RBMS3: variants seen among roughly 807,000 people sequenced by gnomAD.
RBMS3 encodes the protein RNA binding motif single stranded interacting protein 3, also known as RNA-binding motif, single-stranded-interacting protein 3.
In RBMS3, 27 loss-of-function variants were observed where a neutral mutation model predicts 66.8. The ratio of observed to expected loss-of-function variants is 0.40; its 90% CI spans 0.30 to 0.56. RBMS3 has a LOEUF of 0.56. Among genes scored for constraint, RBMS3 ranks in the 20% least tolerant of loss-of-function variants. The pLI is 0.40. For missense variants in RBMS3, 513 were observed against 549.5 expected, an observed-to-expected ratio of 0.93 and a Z score of 0.66; for synonymous variants, 188 against 183.0, an observed-to-expected ratio of 1.03 and a Z score of -0.22.
intron 10 of RBMS3, among the ~76,000 whole-genome samples, chr3:29,917,751 C>T (rs78352012): frequency 0.015 from 2,325 of 152,092 alleles, 58 homozygotes; most frequent in African/African-American, 0.053. Flanking sequence ...TTATTAGCAT[C>T]TTGGGGTAAA....
intron 4 of RBMS3, among the ~76,000 whole-genome samples, chr3:29,682,299 C>A (rs2149261697): frequency 6.6e-6 from 1 of 152,274 alleles, no homozygotes; most frequent in East Asian, 1.9e-4. Context: ...GCACACGCCA[C>A]CATGTCCAGG....
At chr3:29,730,183 CA>C (rs2054070542) in intron 4 of RBMS3, among the ~76,000 whole-genome samples, 1 of 151,552 alleles carries the variant, frequency 6.6e-6, no homozygotes, top group African/African-American at 2.4e-5. Context: ...TGTTGTTTAT[CA>C]AAAATTTAAA....
chr3:29,718,796 C>A (rs1439431325), intron 4 of RBMS3, among the ~76,000 whole-genome samples: 2 of 152,162 alleles, frequency 1.3e-5, no homozygotes, highest in African/African-American at 4.8e-5. Flanking sequence ...TACCAGGAGC[C>A]TCTGCAATCC....
chr3:29,894,096 G>T (rs1209011120), intron 8 of RBMS3, among the ~76,000 whole-genome samples: 5 of 151,530 alleles, frequency 3.3e-5, no homozygotes, highest in African/African-American at 1.2e-4. Context: ...TGATTTGGTG[G>T]CTTAAACACA....
At chr3:29,674,862 C>G (rs1313211157) in intron 4 of RBMS3, among the ~76,000 whole-genome samples, 1 of 151,914 alleles carries the variant, frequency 6.6e-6, no homozygotes, top group African/African-American at 2.4e-5. Context: ...CCATCCCCAT[C>G]AAGCAACCAA....
chr3:29,522,526 G>T (rs1253085957), intron 3 of RBMS3, among the ~76,000 whole-genome samples: 2 of 152,092 alleles, frequency 1.3e-5, no homozygotes, highest in East Asian at 3.9e-4. Context: ...GTGGAAGGAA[G>T]TGGGGTTACA....
chr3:29,501,304 G>T (rs1011535510), intron 3 of RBMS3, among the ~76,000 whole-genome samples: 1 of 152,192 alleles, frequency 6.6e-6, no homozygotes, highest in Non-Finnish European at 1.5e-5. Flanking sequence ...ATGGTGTCCA[G>T]GTCAGTCTAT....
At chr3:29,412,329 A>T (rs1373146547) in intron 1 of RBMS3, among the ~76,000 whole-genome samples, 1 of 152,206 alleles carries the variant, frequency 6.6e-6, no homozygotes, top group African/African-American at 2.4e-5. Context: ...GTCTGTAAGC[A>T]GTATGCTTGC....
chr3:29,677,556 G>C (rs1008853026), intron 4 of RBMS3, among the ~76,000 whole-genome samples: 38 of 151,950 alleles, frequency 2.5e-4, no homozygotes, highest in Non-Finnish European at 2.9e-5. Context: ...CTTTATAGGT[G>C]ACTCATTTTC....
intron 4 of RBMS3, among the ~76,000 whole-genome samples, chr3:29,636,961 T>C (rs960959783): frequency 6.6e-6 from 1 of 151,872 alleles, no homozygotes; most frequent in Non-Finnish European, 1.5e-5. Flanking sequence ...TCAGGCAACA[T>C]ATCATGTATG....
chr3:29,644,466 T>C (rs898440432), intron 4 of RBMS3, among the ~76,000 whole-genome samples: 2 of 152,172 alleles, frequency 1.3e-5, no homozygotes, highest in Non-Finnish European at 2.9e-5. Context: ...TTGAGCCTCG[T>C]GTCTGAAGCC....
At chr3:29,845,614 T>C (rs1394649606) in intron 6 of RBMS3, among the ~76,000 whole-genome samples, 1 of 152,232 alleles carries the variant, frequency 6.6e-6, no homozygotes, top group Non-Finnish European at 1.5e-5. Flanking sequence ...GATAGGTATT[T>C]ATTAGGTGTC....
intron 4 of RBMS3, among the ~76,000 whole-genome samples, chr3:29,733,016 C>G (rs879921340): frequency 1.1e-4 from 16 of 152,016 alleles, no homozygotes; most frequent in Non-Finnish European, 1.9e-4. Flanking sequence ...TCCCTATCTA[C>G]CTTATGAGAT....
At position 29,488,600 on chromosome 3, in the gene RBMS3, A is replaced by G. The variant is rs2043412155; in HGVS notation, c.307+101A>G. ...AGGTACCAGCTGCACAATGATCACA[A>G]TGCATAGTATGGAAAACCTCTTTAA... On this transcript the variant is annotated intron_variant, in intron 3 of 14. Coordinates refer to ENST00000383767, the MANE Select transcript of RBMS3 (RefSeq NM_001003793.3). 5.0e-5 allele frequency: 49 copies of G among 984,382 alleles called. 2 individuals carry two copies. In the South Asian group the frequency reaches 8.4e-4, roughly 17 times the overall value. The allele number at this position is 984,382 out of a possible 1,614,324, so 61.0% of individuals were successfully genotyped here. A position where few individuals can be genotyped will look rare whatever the true frequency, so the allele number is the denominator to read the frequency against.
intron 1 of RBMS3, 149 bp downstream of exon 1, chr3:29,281,905 T>G (rs2031827448): frequency 4.6e-6 from 3 of 647,868 alleles, no homozygotes; most frequent in South Asian, 4.4e-5. Context: ...ATGGAGTTAA[T>G]GAGGCAGAGG....
chr3:29,655,272 G>T (rs1029666408), intron 4 of RBMS3, among the ~76,000 whole-genome samples: 1 of 152,144 alleles, frequency 6.6e-6, no homozygotes, highest in Non-Finnish European at 1.5e-5. Context: ...GGTCCATTTA[G>T]CTCCCCGTCT....
intron 12 of RBMS3, among the ~76,000 whole-genome samples, chr3:29,966,451 A>AT (rs975704062): frequency 1.3e-5 from 2 of 151,618 alleles, no homozygotes; most frequent in East Asian, 1.9e-4. Flanking sequence ...ATTCCTAAGT[A>AT]TTTTTTTTCA....
intron 1 of RBMS3, among the ~76,000 whole-genome samples, chr3:29,343,985 C>T (rs2036429185): frequency 1.3e-5 from 2 of 152,202 alleles, no homozygotes; most frequent in African/African-American, 4.8e-5. Context: ...GGAGTGAGTA[C>T]AGTACAAGTA....
At chr3:29,806,021 CT>C (rs1375192292) in intron 6 of RBMS3, among the ~76,000 whole-genome samples, 1 of 151,944 alleles carries the variant, frequency 6.6e-6, no homozygotes, top group African/African-American at 2.4e-5. Context: ...TTTTGCTGTA[CT>C]GTTTTGTGTT....
Sources: allele counts gnomAD v4.1 joint callset (sites outside exome capture counted in the v4.1 genomes callset), GRCh38; gene constraint gnomAD v4.1.1; transcripts MANE v1.5; gene names NCBI Gene and HGNC (gene_info 2026-07-23, HGNC 2026-07-21).